Variants in ATRN observed in about 807,000 individuals in gnomAD.
ATRN encodes attractin-2.
A neutral mutation model predicts 178.7 loss-of-function variants in ATRN; 54 were observed. That is an observed-to-expected ratio of 0.30 (90% CI 0.24 to 0.38). ATRN has a LOEUF of 0.38. Ranked by LOEUF, ATRN falls within the 10% of genes least tolerant of loss-of-function variation. ATRN has a pLI of 1.00. For synonymous variants in ATRN, 636 were observed against 663.0 expected (o/e 0.96, Z 0.63); for missense variants, 1,443 against 1,815.1 (o/e 0.79, Z 3.73).
intron 19 of ATRN, among the ~76,000 whole-genome samples, chr20:3,591,793 T>C (rs1479582382): frequency 6.6e-6 from 1 of 152,146 alleles, no homozygotes; most frequent in Non-Finnish European, 1.5e-5. Flanking sequence ...GTCTTCTGAA[T>C]TCCCCCTCCT....
At chr20:3,546,428 G>A (rs900715940) in intron 4 of ATRN, among the ~76,000 whole-genome samples, 8 of 122,770 alleles carry the variant, frequency 6.5e-5, no homozygotes, top group South Asian at 2.6e-4. Flanking sequence ...GTCTCACTCT[G>A]TCACCTGGGC....
chr20:3,549,055 A>G, intron 5 of ATRN, 115 bp from the exon 6 acceptor site: 1 of 878,452 alleles, frequency 1.1e-6, no homozygotes, highest in South Asian at 2.0e-5. Flanking sequence ...TGATATTTAA[A>G]TGCTAAAGGA....
chr20:3,487,193 TTTTTGATAC>T (rs2084706100), intron 1 of ATRN, among the ~76,000 whole-genome samples: 1 of 152,184 alleles, frequency 6.6e-6, no homozygotes, highest in South Asian at 2.1e-4. Context: ...ATAGTGTTAT[TTTTTGATAC>T]TTTTGATCCT....
intron 25 of ATRN, among the ~76,000 whole-genome samples, chr20:3,626,184 A>G (rs766053779): frequency 4.7e-5 from 7 of 149,112 alleles, no homozygotes; most frequent in Non-Finnish European, 8.9e-5. Flanking sequence ...GTGAGCGGAG[A>G]TTGCACCACT....
chr20:3,509,271 G>T (rs569449532), intron 1 of ATRN, among the ~76,000 whole-genome samples: 15 of 152,184 alleles, frequency 9.9e-5, no homozygotes, highest in Non-Finnish European at 1.3e-4. Context: ...AATATTGAAA[G>T]CAAAAGGATA....
chr20:3,523,272 C>T (rs1214500604), intron 1 of ATRN, among the ~76,000 whole-genome samples: 1 of 151,510 alleles, frequency 6.6e-6, no homozygotes, highest in Admixed American at 6.6e-5. Flanking sequence ...GAAGCATACA[C>T]AAGTATCAAT....
chr20:3,576,695 G>GTCTGTCTATCTA (rs11472378), intron 13 of ATRN, among the ~76,000 whole-genome samples, 164 bp from the exon 14 acceptor site: 2,738 of 142,352 alleles, frequency 0.019, 49 homozygotes, highest in South Asian at 0.038. Flanking sequence ...CTGTCTGTCT[G>GTCTGTCTATCTA]TCTATCTATC....
At chr20:3,484,934 A>G (rs2084670477) in intron 1 of ATRN, among the ~76,000 whole-genome samples, 1 of 148,332 alleles carries the variant, frequency 6.7e-6, no homozygotes, top group South Asian at 2.1e-4. Flanking sequence ...TATTATTATT[A>G]TTATTATTAT....
chr20:3,489,213 G>A (rs969541969), intron 1 of ATRN, among the ~76,000 whole-genome samples: 4 of 151,972 alleles, frequency 2.6e-5, no homozygotes, highest in Admixed American at 6.6e-5. Flanking sequence ...TGCTTGCCTC[G>A]GCCTCCCAAT....
intron 1 of ATRN, among the ~76,000 whole-genome samples, chr20:3,501,420 C>T (rs1461241109): frequency 6.6e-6 from 1 of 152,160 alleles, no homozygotes; most frequent in African/African-American, 2.4e-5. Flanking sequence ...CTACAAGGAA[C>T]TTAGGGTACC....
rs143109702 is a variant in ATRN at position 3,567,116 on chromosome 20, T to G, written c.1871+1684T>G. Among the ~76,000 whole-genome samples, 47 of 152,292 alleles carry G rather than the reference T, an allele frequency of 3.1e-4. No homozygotes were observed. The East Asian group carries it at 7.3e-3, about 24-fold the overall frequency. On this transcript the variant is annotated intron_variant, in intron 11 of 28. Transcript: ENST00000262919. ...ATGGAAGGATTTCTGGCCACCTTGC[T>G]AATTTGAAGTGTTATTATAAATCAT...
chr20:3,606,608 T>A (rs1421550259), intron 24 of ATRN, among the ~76,000 whole-genome samples: 1 of 152,204 alleles, frequency 6.6e-6, no homozygotes, highest in Non-Finnish European at 1.5e-5. Flanking sequence ...CTTCCATGCT[T>A]CCTTTCTCTG....
intron 24 of ATRN, among the ~76,000 whole-genome samples, chr20:3,619,911 A>G (rs2086883827): frequency 1.3e-5 from 2 of 152,238 alleles, no homozygotes; most frequent in South Asian, 2.1e-4. Flanking sequence ...ATAGAATGAC[A>G]CTTAAGCACC....
rs1433769873 is a variant in ATRN, at chr20:3,531,847, G to A, written c.411-3406G>A. 9.2e-5 allele frequency among the ~76,000 whole-genome samples: 14 copies of A among 152,224 alleles called. No homozygotes were observed. In the East Asian group the frequency reaches 2.5e-3, roughly 27 times the overall value. On this transcript the variant is annotated intron_variant, in intron 1 of 28. Coordinates refer to ENST00000262919, the MANE Select transcript of ATRN (RefSeq NM_139321.3). ...AAGATTCGTCTGTGATCATATCTAT[G>A]CATTATCTGTAAAATTATATAAATA...
intron 18 of ATRN, among the ~76,000 whole-genome samples, chr20:3,587,416 A>T (rs1415398036): frequency 6.6e-6 from 1 of 151,822 alleles, no homozygotes; most frequent in Non-Finnish European, 1.5e-5. Context: ...GTATGGTGTG[A>T]GGTAGGGGTC....
chr20:3,503,039 T>C (rs1348297370), intron 1 of ATRN, among the ~76,000 whole-genome samples: 1 of 152,002 alleles, frequency 6.6e-6, no homozygotes, highest in Non-Finnish European at 1.5e-5. Context: ...CACACCCTCT[T>C]CCACCAAGAG....
At chr20:3,491,621 A>G (rs1367945629) in intron 1 of ATRN, among the ~76,000 whole-genome samples, 1 of 152,160 alleles carries the variant, frequency 6.6e-6, no homozygotes, top group Non-Finnish European at 1.5e-5. Context: ...TGAATACTGT[A>G]ACATTGAACT....
chr20:3,565,716 T>G (rs1041135194), intron 11 of ATRN, among the ~76,000 whole-genome samples: 9 of 147,568 alleles, frequency 6.1e-5, no homozygotes, highest in African/African-American at 2.3e-4. Flanking sequence ...GAGAATCACT[T>G]GAACCAGGGA....
intron 1 of ATRN, among the ~76,000 whole-genome samples, chr20:3,507,604 A>C (rs987296687): frequency 6.6e-6 from 1 of 152,152 alleles, no homozygotes; most frequent in African/African-American, 2.4e-5. Context: ...TAAAGCTGCC[A>C]ATTCAGGAAA....
Sources: allele counts gnomAD v4.1 joint callset (sites outside exome capture counted in the v4.1 genomes callset), GRCh38; gene constraint gnomAD v4.1.1; transcripts MANE v1.5; gene names NCBI Gene and HGNC (gene_info 2026-07-23, HGNC 2026-07-21).